CCDC12: variants seen among roughly 807,000 people sequenced by gnomAD.
CCDC12 encodes the protein coiled-coil domain-containing protein 12.
A neutral mutation model predicts 25.7 loss-of-function variants in CCDC12; 28 were observed. That is an observed-to-expected ratio of 1.09 (90% CI 0.81 to 1.50). The LOEUF (loss-of-function observed/expected upper bound fraction) is 1.50. CCDC12 is among the 40% of genes most tolerant of loss of function. The pLI is 0.00. For missense variants in CCDC12, 198 were observed against 210.0 expected, an observed-to-expected ratio of 0.94 and a Z score of 0.35; for synonymous variants, 75 against 87.7, an observed-to-expected ratio of 0.86 and a Z score of 0.81.
chr3:46,941,905 A>G (rs543571711), intron 1 of CCDC12, among the ~76,000 whole-genome samples: 1 of 152,366 alleles, frequency 6.6e-6, no homozygotes, highest in African/African-American at 2.4e-5. Flanking sequence ...CCAGGCTTGC[A>G]ACAAGATTCA....
chr3:46,925,911 C>T (rs1226331579), intron 2 of CCDC12, among the ~76,000 whole-genome samples: 1 of 152,228 alleles, frequency 6.6e-6, no homozygotes. Flanking sequence ...ACAGCAGTGG[C>T]TGCACATCTT....
chr3:46,955,936 A>G (rs1274910265), intron 1 of CCDC12, among the ~76,000 whole-genome samples: 1 of 152,176 alleles, frequency 6.6e-6, no homozygotes, highest in Non-Finnish European at 1.5e-5. Flanking sequence ...GGCCCCCACC[A>G]ATACCCCGGA....
chr3:46,979,917 GC>G, upstream of CCDC12: 1 of 392,452 alleles, frequency 2.5e-6, no homozygotes, highest in East Asian at 4.0e-5. Flanking sequence ...GCGCAGGTGA[GC>G]CCGCCCCGCC....
chr3:46,947,482 A>G (rs1231528931), intron 1 of CCDC12, among the ~76,000 whole-genome samples: 2 of 152,184 alleles, frequency 1.3e-5, no homozygotes, highest in African/African-American at 2.4e-5. Context: ...AGATGGAGTG[A>G]TAAGAAGTGA....
chr3:46,979,245 CAGCT>C (rs999037565), upstream of CCDC12, among the ~76,000 whole-genome samples: 1 of 152,260 alleles, frequency 6.6e-6, no homozygotes, highest in African/African-American at 2.4e-5. Flanking sequence ...ACTCCACAAA[CAGCT>C]AGAGCTCAAA....
chr3:46,976,525 A>C (rs2034998704), intron 1 of CCDC12, 112 bp downstream of exon 1: 1 of 1,455,644 alleles, frequency 6.9e-7, no homozygotes, highest in Non-Finnish European at 9.1e-7. Context: ...GCGCCCGCGC[A>C]TGCGCGCCCT....
chr3:46,940,997 C>T lies in CCDC12; in HGVS notation c.164+1G>A. ...ACCCTGGAGCTGCACACGGGCATTACCTGTGCTTCTCGCCTTCTTCCTCCT... is the reference window on the plus strand; with the variant it reads ...ACCCTGGAGCTGCACACGGGCATTATCTGTGCTTCTCGCCTTCTTCCTCCT... On this transcript the variant is annotated splice_donor_variant, in intron 2 of 6. Coordinates refer to ENST00000683445, the MANE Select transcript of CCDC12 (RefSeq NM_001277074.2). LOFTEE classifies it high-confidence loss of function. 6.2e-7 allele frequency: 1 copy of T among 1,614,106 alleles called. No homozygotes were observed. Among genetic ancestry groups the T allele is most frequent in the Non-Finnish European group, 8.5e-7 (1 of 1,179,954 alleles).
chr3:46,974,977 T>C (rs1055841664), intron 1 of CCDC12, among the ~76,000 whole-genome samples: 45 of 152,140 alleles, frequency 3.0e-4, no homozygotes, highest in African/African-American at 9.2e-4. Flanking sequence ...GTGTCCCAAG[T>C]CCAGGTAAAA....
At chr3:46,922,442 A>G in intron 5 of CCDC12, 130 bp from the exon 6 acceptor site, 1 of 932,278 alleles carries the variant, frequency 1.1e-6, no homozygotes, top group East Asian at 2.4e-5. Flanking sequence ...GCCCTGGGGA[A>G]GAGGCCAGGA....
intron 2 of CCDC12, among the ~76,000 whole-genome samples, chr3:46,938,221 T>C (rs527636189): frequency 1.3e-5 from 2 of 152,282 alleles, no homozygotes; most frequent in South Asian, 4.1e-4. Context: ...GCCCTGCACC[T>C]GCCCAGCTCA....
At chr3:46,949,729 C>T (rs1217510902) in intron 1 of CCDC12, among the ~76,000 whole-genome samples, 1 of 152,202 alleles carries the variant, frequency 6.6e-6, no homozygotes. Flanking sequence ...GACCCTGCAC[C>T]ATGAAAAACT....
At chr3:46,967,975 C>T (rs1314318512) in intron 1 of CCDC12, among the ~76,000 whole-genome samples, 3 of 152,174 alleles carry the variant, frequency 2.0e-5, no homozygotes, top group Non-Finnish European at 4.4e-5. Context: ...AAAAGGACTG[C>T]AAATTGTCTC....
intron 4 of CCDC12, 114 bp from the exon 5 acceptor site, chr3:46,923,477 G>C: frequency 6.8e-7 from 1 of 1,475,908 alleles, no homozygotes; most frequent in East Asian, 2.4e-5. Flanking sequence ...AGAGGGACGA[G>C]AGCAAAGGGG....
chr3:46,957,210 T>C (rs1575557608), intron 1 of CCDC12, among the ~76,000 whole-genome samples: 1 of 151,994 alleles, frequency 6.6e-6, no homozygotes, highest in Non-Finnish European at 1.5e-5. Context: ...AGGGGTGGGG[T>C]GGCACAGACT....
At chr3:46,976,466 A>C in intron 1 of CCDC12, 171 bp downstream of exon 1, 2 of 1,427,430 alleles carry the variant, frequency 1.4e-6, no homozygotes, top group Non-Finnish European at 1.8e-6. Flanking sequence ...TCCCACGCCA[A>C]GCAGCCCCAG....
In CCDC12 at chr3:46,940,909, C is replaced by T. The variant is rs2033673823; in HGVS notation, c.164+89G>A. 17 of 1,250,740 alleles carry T rather than the reference C, an allele frequency of 1.4e-5. No homozygotes were observed. In the South Asian group the frequency reaches 1.9e-4, roughly 14 times the overall value. 77.5% of individuals were successfully genotyped at this position (1,250,740 alleles called of 1,614,324 possible). On this transcript the variant is annotated intron_variant, in intron 2 of 6. Coordinates refer to ENST00000683445, the MANE Select transcript of CCDC12 (RefSeq NM_001277074.2). ...AGAAGAGGGGAGGGAACAGGGCAGA[C>T]ACTGAACAGAGTTGGGAGGACCCAG...
At chr3:46,967,708 T>C (rs952181129) in intron 1 of CCDC12, among the ~76,000 whole-genome samples, 5 of 152,288 alleles carry the variant, frequency 3.3e-5, no homozygotes, top group Middle Eastern at 3.4e-3. Context: ...GTCTTGTTCA[T>C]AGCTGTATCC....
chr3:46,956,780 C>CA (rs1432785818), intron 1 of CCDC12, among the ~76,000 whole-genome samples: 2 of 152,048 alleles, frequency 1.3e-5, no homozygotes, highest in Admixed American at 1.3e-4. Context: ...TGCACCACTG[C>CA]ACTCCAGCCT....
chr3:46,938,172 G>A (rs2107131184), intron 2 of CCDC12, among the ~76,000 whole-genome samples: 1 of 131,254 alleles, frequency 7.6e-6, no homozygotes, highest in Middle Eastern at 3.7e-3. Flanking sequence ...TGTCCAGCAT[G>A]GTTGGTCCCT....
Sources: gnomAD v4.1 joint callset for allele counts (sites outside exome capture counted in the v4.1 genomes callset) on GRCh38, gnomAD v4.1.1 for gene constraint, MANE v1.5 for transcripts, NCBI Gene and HGNC (gene_info 2026-07-23, HGNC 2026-07-21) for gene names.